Variants in PDE4D observed in about 807,000 individuals in gnomAD.
PDE4D encodes 3',5'-cyclic-AMP phosphodiesterase 4D.
A neutral mutation model predicts 87.4 loss-of-function variants in PDE4D; 24 were observed. That is an observed-to-expected ratio of 0.27 (90% CI 0.20 to 0.39). PDE4D has a LOEUF of 0.39. Ranked by LOEUF, PDE4D falls within the 10% of genes least tolerant of loss-of-function variation. The pLI is 1.00. For missense variants in PDE4D, 714 were observed against 1,041.0 expected (o/e 0.69, Z 4.32); for synonymous variants, 384 against 383.2 (o/e 1.00, Z -0.02).
At chr5:59,199,650 C>T (rs1746287671) in intron 2 of PDE4D, among the ~76,000 whole-genome samples, 1 of 151,962 alleles carries the variant, frequency 6.6e-6, no homozygotes, top group Non-Finnish European at 1.5e-5. Context: ...TATAGAGAAA[C>T]AAGTATGTTC....
At chr5:60,482,277 G>A (rs1748788327) in intron 1 of PDE4D, among the ~76,000 whole-genome samples, 1 of 152,126 alleles carries the variant, frequency 6.6e-6, no homozygotes, top group East Asian at 1.9e-4. Context: ...ACCTGACCAG[G>A]CTGGCACACT....
At chr5:59,934,841 A>T (rs1199347899) in intron 3 of PDE4D, among the ~76,000 whole-genome samples, 1 of 152,202 alleles carries the variant, frequency 6.6e-6, no homozygotes, top group Non-Finnish European at 1.5e-5. Context: ...CACATTCTGG[A>T]AACAGGATTC....
intron 1 of PDE4D, among the ~76,000 whole-genome samples, chr5:59,565,495 G>C (rs1820724338): frequency 6.6e-6 from 1 of 152,150 alleles, no homozygotes; most frequent in Non-Finnish European, 1.5e-5. Flanking sequence ...CTCCAGTCTG[G>C]ATGACTGAGT....
At chr5:60,509,980 A>G (rs1750499165) in intron 1 of PDE4D, among the ~76,000 whole-genome samples, 1 of 152,178 alleles carries the variant, frequency 6.6e-6, no homozygotes, top group African/African-American at 2.4e-5. Flanking sequence ...CCCATAGGTG[A>G]AGCAGGAAGA....
chr5:60,338,849 T>G (rs1758051600), intron 1 of PDE4D, among the ~76,000 whole-genome samples: 1 of 152,056 alleles, frequency 6.6e-6, no homozygotes, highest in South Asian at 2.1e-4. Context: ...GGGGCCTGAA[T>G]CCCTAGCACC....
chr5:60,001,725 T>G (rs1387535311), intron 2 of PDE4D, among the ~76,000 whole-genome samples: 4 of 152,012 alleles, frequency 2.6e-5, no homozygotes, highest in Admixed American at 1.3e-4. Flanking sequence ...TACAAAAAGA[T>G]GCAAAGCATG....
At chr5:59,988,231 C>A (rs781674925) in intron 3 of PDE4D, 3 of 363,656 alleles carry the variant, frequency 8.2e-6, no homozygotes, top group Non-Finnish European at 1.5e-5. Flanking sequence ...TTTCCAAGTA[C>A]AACTGCCCTT....
At chr5:59,803,768 CA>C (rs1271219540) in intron 1 of PDE4D, among the ~76,000 whole-genome samples, 1 of 152,176 alleles carries the variant, frequency 6.6e-6, no homozygotes, top group African/African-American at 2.4e-5. Context: ...AGTATGTATT[CA>C]CTCATGCTTC....
At chr5:60,457,731 T>C (rs1746583236) in intron 1 of PDE4D, among the ~76,000 whole-genome samples, 1 of 152,162 alleles carries the variant, frequency 6.6e-6, no homozygotes, top group Non-Finnish European at 1.5e-5. Flanking sequence ...GCTTAGTAGC[T>C]GTGAGGAAAT....
chr5:60,016,025 C>CTGTGTG (rs70975359), intron 2 of PDE4D, among the ~76,000 whole-genome samples: 146 of 146,804 alleles, frequency 9.9e-4, no homozygotes, highest in African/African-American at 2.9e-3. Flanking sequence ...CTCTCTCTCT[C>CTGTGTG]TGTGTGTGTG....
At chr5:60,337,380 T>TACACACACACACACACAC (rs1474890248) in intron 1 of PDE4D, among the ~76,000 whole-genome samples, 30 of 118,196 alleles carry the variant, frequency 2.5e-4, no homozygotes, top group African/African-American at 9.9e-4. Context: ...TATATATATA[T>TACACACACACACACACAC]ATATATATAC....
intron 3 of PDE4D, among the ~76,000 whole-genome samples, chr5:59,955,944 A>G (rs1488893216): frequency 6.6e-6 from 1 of 152,150 alleles, no homozygotes; most frequent in East Asian, 1.9e-4. Flanking sequence ...TTGTGTTTCA[A>G]ACAGGAGGTT....
intron 1 of PDE4D, among the ~76,000 whole-genome samples, chr5:59,607,845 T>G (rs1197680581): frequency 3.3e-5 from 5 of 152,028 alleles, no homozygotes; most frequent in African/African-American, 1.2e-4. Flanking sequence ...ACTGCACAGT[T>G]TGTCTGAATT....
At position 59,695,636 on chromosome 5, in the gene PDE4D, G is replaced by C. The variant is rs144694056; in HGVS notation, c.455+197532C>G. Among the ~76,000 whole-genome samples the C allele has an allele frequency of 4.5e-3, 690 of 152,182 alleles. 3 individuals are homozygous for C. The highest frequency in any genetic ancestry group is 0.031 in the South Asian group (148 of 4,814). ...TTTTTTTCTTTTTGAGACATGGTCT[G>C]TGTCGTCCAGGCTGAAGTGCAGTGG... On this transcript the variant is annotated intron_variant, in intron 1 of 14. Transcript: ENST00000340635.
At position 60,379,550 on chromosome 5, in the gene PDE4D, A is replaced by G. The variant is rs1761702018; in HGVS notation, c.-90+108392T>C. Among the ~76,000 whole-genome samples, 3 of 152,204 alleles carry G rather than the reference A, an allele frequency of 2.0e-5. No individual in the cohort carries two copies. The South Asian group carries it at 6.2e-4, about 32-fold the overall frequency. On this transcript the variant is annotated intron_variant, in intron 1 of 16. Coordinates refer to the PDE4D transcript ENST00000502484. ...CTAAAGGATGCAGAGGAGCTAGTTG[A>G]CTTGGTAGCCCAGCACTTGAAAATT...
intron 2 of PDE4D, among the ~76,000 whole-genome samples, chr5:60,008,035 G>C (rs1461858518): frequency 6.6e-6 from 1 of 150,466 alleles, no homozygotes; most frequent in Non-Finnish European, 1.5e-5. Context: ...GAATAAAATA[G>C]CCAGTCTCAA....
At chr5:59,436,549 A>T (rs1306451820) in intron 1 of PDE4D, among the ~76,000 whole-genome samples, 1 of 152,152 alleles carries the variant, frequency 6.6e-6, no homozygotes, top group Non-Finnish European at 1.5e-5. Flanking sequence ...GATTGTAAAA[A>T]CTGTTGAGAC....
At chr5:59,466,929 T>A (rs117140379) in intron 1 of PDE4D, among the ~76,000 whole-genome samples, 49 of 152,248 alleles carry the variant, frequency 3.2e-4, no homozygotes, top group East Asian at 2.9e-3. Flanking sequence ...TACGTTGAAG[T>A]CCTCGTACCT....
intron 1 of PDE4D, among the ~76,000 whole-genome samples, chr5:60,517,754 C>T (rs1021551357): frequency 6.6e-6 from 1 of 152,236 alleles, no homozygotes; most frequent in Admixed American, 6.5e-5. Context: ...AATAAAGTTC[C>T]TCTCTGCCTT....
Sources: gnomAD v4.1 joint callset for allele counts (sites outside exome capture counted in the v4.1 genomes callset) on GRCh38, gnomAD v4.1.1 for gene constraint, MANE v1.5 for transcripts, NCBI Gene and HGNC (gene_info 2026-07-23, HGNC 2026-07-21) for gene names.